Variants in TYW1B observed in about 807,000 individuals in gnomAD.
TYW1B encodes tRNA-yW synthesizing protein 1 homolog B, also known as S-adenosyl-L-methionine-dependent tRNA 4-demethylwyosine synthase TYW1B.
A neutral mutation model predicts 86.9 loss-of-function variants in TYW1B; 73 were observed. That is an observed-to-expected ratio of 0.84 (90% CI 0.70 to 1.02). The LOEUF (loss-of-function observed/expected upper bound fraction) is 1.02, where lower values mean the gene tolerates loss of function less well. TYW1B is among the 50% of genes least tolerant of loss of function. The pLI is 0.00. For missense variants in TYW1B, 637 were observed against 827.4 expected (o/e 0.77, Z 2.82); for synonymous variants, 248 against 292.8 (o/e 0.85, Z 1.56).
At chr7:72,598,001 C>A (rs192590168) in intron 13 of TYW1B, among the ~76,000 whole-genome samples, 1 of 152,152 alleles carries the variant, frequency 6.6e-6, no homozygotes, top group South Asian at 2.1e-4. Context: ...AGGACAGATT[C>A]GCACATGATG....
chr7:72,709,599 C>T (rs1413541987), intron 10 of TYW1B, among the ~76,000 whole-genome samples: 1 of 152,024 alleles, frequency 6.6e-6, no homozygotes, highest in Non-Finnish European at 1.5e-5. Flanking sequence ...ACCCTGGAGG[C>T]GGAGCTTGTA....
intron 12 of TYW1B, among the ~76,000 whole-genome samples, chr7:72,618,428 G>A (rs2129568452): frequency 6.6e-6 from 1 of 152,050 alleles, no homozygotes; most frequent in South Asian, 2.1e-4. Flanking sequence ...TGTTGGCCAG[G>A]CTGGTCTTGA....
chr7:72,638,778 A>C (rs1405199573), intron 11 of TYW1B, among the ~76,000 whole-genome samples: 1 of 152,232 alleles, frequency 6.6e-6, no homozygotes, highest in Non-Finnish European at 1.5e-5. Flanking sequence ...CAATCTTAAC[A>C]ACCAGATGTT....
Position 72,705,519 on chromosome 7 carries a change from C to A in TYW1B, c.1370+8102G>T, listed in dbSNP as rs560853023. 1.4e-4 allele frequency among the ~76,000 whole-genome samples: 22 copies of A among 152,246 alleles called. No individual in the cohort carries two copies. The East Asian group carries it at 1.5e-3, about 11-fold the overall frequency. On this transcript the variant is annotated intron_variant, in intron 10 of 13. Coordinates refer to ENST00000620995, the MANE Select transcript of TYW1B (RefSeq NM_001145440.3). Reference sequence around the variant, plus strand: ...CACAGCTCTGTCTTCTTATGATAAACCTGCTAGCAGCTAAAAAGCTTTAGA... The same window carrying A: ...CACAGCTCTGTCTTCTTATGATAAAACTGCTAGCAGCTAAAAAGCTTTAGA...
At chr7:72,632,268 T>C (rs527425555) in intron 11 of TYW1B, among the ~76,000 whole-genome samples, 1 of 102,938 alleles carries the variant, frequency 9.7e-6, no homozygotes, top group African/African-American at 5.0e-5. Flanking sequence ...CCAAAAAATA[T>C]ATATATATAT....
At chr7:72,825,453 C>G (rs1269914503) in intron 2 of TYW1B, among the ~76,000 whole-genome samples, 1 of 152,114 alleles carries the variant, frequency 6.6e-6, no homozygotes, top group Non-Finnish European at 1.5e-5. Context: ...CCGAGGCAGG[C>G]GCATCACCTG....
In TYW1B at chr7:72,620,390, C is replaced by G. The variant is rs192060026; in HGVS notation, c.1618-3551G>C. On this transcript the variant is annotated intron_variant, in intron 12 of 13. Coordinates refer to ENST00000620995, the MANE Select transcript of TYW1B (RefSeq NM_001145440.3). ...CCAGCCTGGGCAACAGAGCAAGACT[C>G]TGTCTCAAAACAAAACAAAACAAAA... is the stretch of plus-strand genomic sequence containing the variant. Among the ~76,000 whole-genome samples the G allele has an allele frequency of 2.2e-3, 337 of 152,328 alleles. 3 individuals are homozygous for G. Among genetic ancestry groups the G allele is most frequent in the African/African-American group, 7.5e-3 (311 of 41,572 alleles).
intron 7 of TYW1B, among the ~76,000 whole-genome samples, chr7:72,752,550 G>C (rs559699330): frequency 6.6e-6 from 1 of 152,140 alleles, no homozygotes; most frequent in East Asian, 1.9e-4. Flanking sequence ...GGCCAACATG[G>C]TGAAACCCTG....
chr7:72,589,681 G>A lies in TYW1B; in HGVS notation c.1786-13962C>T, dbSNP rs782129912. ...CACTTGAGGTCAGGAGTTCAAGACC[G>A]GCCTGACCAACATGGTGAAACCCCA... On this transcript the variant is annotated intron_variant, in intron 13 of 13. Transcript: ENST00000620995. Among the ~76,000 whole-genome samples the A allele has an allele frequency of 5.3e-5, 8 of 152,220 alleles. No homozygotes were observed. In the Middle Eastern group the frequency reaches 0.01, roughly 194 times the overall value.
chr7:72,801,819 C>A (rs1788407810), intron 6 of TYW1B, among the ~76,000 whole-genome samples: 1 of 152,150 alleles, frequency 6.6e-6, no homozygotes, highest in South Asian at 2.1e-4. Context: ...AGGCTGCCAT[C>A]CTTAAGCCCC....
chr7:72,717,871 A>G (rs879955394), intron 9 of TYW1B, among the ~76,000 whole-genome samples: 14 of 152,200 alleles, frequency 9.2e-5, no homozygotes, highest in Non-Finnish European at 1.9e-4. Flanking sequence ...ATTACACACT[A>G]TTGGTGGGGA....
chr7:72,577,618 C>T (rs1401464874), intron 13 of TYW1B, among the ~76,000 whole-genome samples: 3 of 152,212 alleles, frequency 2.0e-5, no homozygotes, highest in Non-Finnish European at 4.4e-5. Flanking sequence ...CCGCCGGTGG[C>T]GTGACTTGGT....
At chr7:72,770,620 T>A (rs1354352658) in intron 7 of TYW1B, among the ~76,000 whole-genome samples, 1 of 152,046 alleles carries the variant, frequency 6.6e-6, no homozygotes, top group Non-Finnish European at 1.5e-5. Flanking sequence ...GAGTTTCTTC[T>A]AAAGTTAAAT....
Position 72,807,310 on chromosome 7 carries a change from C to T in TYW1B, c.479G>A (p.Arg160His), listed in dbSNP as rs375458552. The T allele has an allele frequency of 1.7e-5, 27 of 1,613,952 alleles. No homozygotes were observed. Among genetic ancestry groups the T allele is most frequent in the Admixed American group, 6.7e-5 (4 of 59,962 alleles). ...GTCGCCCTCCCCTCGACTCATCACACGATGCACGCCAAGCATCCAGAGCCA... is the reference window on the plus strand; with the variant it reads ...GTCGCCCTCCCCTCGACTCATCACATGATGCACGCCAAGCATCCAGAGCCA... ...DKWLWMLGVH[R>H]VMSRGEGDCD... Residue 160 changes from arginine to histidine, a missense_variant, in exon 5 of 14, where the codon CGT (arginine) becomes CAT (histidine). Arg to His is a conservative substitution (Grantham distance 29, BLOSUM62 0). Coordinates refer to ENST00000620995, the MANE Select transcript of TYW1B (RefSeq NM_001145440.3).
chr7:72,685,163 C>G (rs1813979090), intron 11 of TYW1B, among the ~76,000 whole-genome samples: 1 of 150,682 alleles, frequency 6.6e-6, no homozygotes, highest in Non-Finnish European at 1.5e-5. Flanking sequence ...AAGTACTTGT[C>G]CTACTCAGGA....
At chr7:72,644,994 A>AT (rs1473748562) in intron 11 of TYW1B, among the ~76,000 whole-genome samples, 1 of 151,920 alleles carries the variant, frequency 6.6e-6, no homozygotes, top group Admixed American at 6.6e-5. Flanking sequence ...GGCCCGGCTA[A>AT]TTTTTTGTAT....
At chr7:72,823,244 A>G (rs554042074) in intron 2 of TYW1B, 2 of 151,830 alleles carry the variant, frequency 1.3e-5, no homozygotes, top group African/African-American at 4.8e-5. Flanking sequence ...CCTGGCCTCA[A>G]GTGGTCTGCC....
At chr7:72,655,106 C>T (rs1402031316) in intron 11 of TYW1B, among the ~76,000 whole-genome samples, 22 of 151,886 alleles carry the variant, frequency 1.4e-4, no homozygotes, top group Admixed American at 1.4e-3. Context: ...AAAGAAGGAC[C>T]AGAATAGCAA....
chr7:72,753,417 G>A (rs538324146), intron 7 of TYW1B, among the ~76,000 whole-genome samples: 11 of 151,550 alleles, frequency 7.3e-5, no homozygotes, highest in South Asian at 2.1e-4. Flanking sequence ...TATTAGCATC[G>A]CAAATGGTGG....
Sources: gnomAD v4.1 joint callset for allele counts (sites outside exome capture counted in the v4.1 genomes callset) on GRCh38, gnomAD v4.1.1 for gene constraint, MANE v1.5 for transcripts, NCBI Gene and HGNC (gene_info 2026-07-23, HGNC 2026-07-21) for gene names.